The following PLA2G15 variants were observed in gnomAD, a reference collection of about 807,000 sequenced individuals.
The protein encoded by PLA2G15 is lysosomal phospholipase A and acyltransferase.
PLA2G15 carries 20 observed loss-of-function variants against 40.9 expected under a neutral mutation model. That is an observed-to-expected ratio of 0.49 (90% CI 0.34 to 0.71). The LOEUF is 0.71. PLA2G15 is among the 30% of genes least tolerant of loss of function. The pLI is 0.01. For missense variants in PLA2G15, 471 were observed against 541.9 expected (o/e 0.87, Z 1.30); for synonymous variants, 223 against 228.2 (o/e 0.98, Z 0.21).
intron 1 of PLA2G15, among the ~76,000 whole-genome samples, chr16:68,246,284 C>T (rs2042308129): frequency 6.6e-6 from 1 of 152,340 alleles, no homozygotes; most frequent in Middle Eastern, 3.4e-3. Context: ...CTACAACGGC[C>T]ACTGTATTTC....
At chr16:68,245,777 G>C (rs1272711573) in intron 1 of PLA2G15, among the ~76,000 whole-genome samples, 1 of 152,212 alleles carries the variant, frequency 6.6e-6, no homozygotes, top group Non-Finnish European at 1.5e-5. Context: ...GGGTGAGTGG[G>C]AGAGTTACCA....
In PLA2G15 at chr16:68,255,274, G is replaced by A; in HGVS notation, c.404-8G>A. 6.2e-7 allele frequency: 1 copy of A among 1,600,092 alleles called. No homozygotes were observed. The highest frequency in any genetic ancestry group is 1.1e-5 in the South Asian group (1 of 90,760). On this transcript the variant is annotated splice_polypyrimidine_tract_variant and splice_region_variant and intron_variant, in intron 3 of 5. Coordinates refer to ENST00000219345, the MANE Select transcript of PLA2G15 (RefSeq NM_012320.4). The surrounding 1 kb of genome is among the most constrained non-coding windows in gnomAD (Gnocchi z 5.9). ...ATCTTTTCTTATCCTCTGTATTTCT[G>A]TCTACAGGTTCCTATTTCCACACCA...
At chr16:68,245,688 C>T (rs1003306187) in intron 1 of PLA2G15, 135 bp downstream of exon 1, 13 of 1,042,338 alleles carry the variant, frequency 1.2e-5, no homozygotes, top group African/African-American at 1.6e-5. Flanking sequence ...CTTAGGTGAT[C>T]TAGATCTGCC....
At chr16:68,254,351 A>ATTTATTTT (rs1474973014) in intron 2 of PLA2G15, 13 of 139,472 alleles carry the variant, frequency 9.3e-5, no homozygotes, top group East Asian at 6.0e-4. Context: ...TTATTTATTT[A>ATTTATTTT]TTTTTTTGAG....
chr16:68,256,222 G>A (rs1004868279), intron 5 of PLA2G15: 21 of 491,770 alleles, frequency 4.3e-5, no homozygotes, highest in Admixed American at 3.8e-5. Flanking sequence ...TGTCTCAGGT[G>A]GGGGCAAGAC....
rs763403560 is a variant in PLA2G15, at chr16:68,255,404, C to T, written c.502+24C>T. The T allele has an allele frequency of 1.6e-5, 25 of 1,541,438 alleles. No individual in the cohort carries two copies. In the Middle Eastern group the frequency reaches 5.2e-4, roughly 32 times the overall value. ...AAGTAAGCAGGCACTCTCATTCCCT[C>T]CCTGACGTCTCGGGAGGTAGGGGTG... On this transcript the variant is annotated intron_variant, in intron 4 of 5. Coordinates refer to ENST00000219345, the MANE Select transcript of PLA2G15 (RefSeq NM_012320.4). This position sits in a 1 kb window ranked among gnomAD's most constrained non-coding sequence, Gnocchi z 5.9.
rs1158288802 is a variant in PLA2G15 at position 68,259,508 on chromosome 16, A to G, written c.1090A>G (p.Asn364Asp). 1.2e-6 allele frequency: 2 copies of G among 1,613,242 alleles called. No individual in the cohort carries two copies. The highest frequency in any genetic ancestry group is 1.7e-6 in the Non-Finnish European group (2 of 1,180,020). ...ICFGDGDGTV[N>D]LKSALQCQAW... ...CTTTGGTGACGGCGATGGTACTGTG[A>G]ACTTGAAGAGTGCCCTGCAGTGCCA... The change falls in exon 6 of 6, where the codon AAC (asparagine) becomes GAC (aspartate). Residue 364 changes from asparagine to aspartate, a missense_variant. Physicochemically the swap from Asn to Asp is conservative, Grantham distance 23. Coordinates refer to ENST00000219345, the MANE Select transcript of PLA2G15 (RefSeq NM_012320.4). The surrounding 1 kb of genome is among the most constrained non-coding windows in gnomAD (Gnocchi z 6.5).
Position 68,255,189 on chromosome 16 carries a change from G to A in PLA2G15, c.404-93G>A. ...CAGAGCCCTGTAGCATTCTTCCAAG[G>A]ACCTGCTAGCTGTCACAGTCTCCAT... On this transcript the variant is annotated intron_variant, in intron 3 of 5. Transcript: ENST00000219345. The surrounding 1 kb of genome is among the most constrained non-coding windows in gnomAD (Gnocchi z 5.9). The A allele has an allele frequency of 3.8e-6, 4 of 1,050,420 alleles. No individual in the cohort carries two copies. The highest frequency in any genetic ancestry group is 5.9e-6 in the Non-Finnish European group (4 of 676,834). 65.1% of individuals were successfully genotyped at this position (1,050,420 alleles called of 1,614,324 possible).
At position 68,260,468 on chromosome 16, in the gene PLA2G15, G is replaced by T. The variant is rs1412970012; in HGVS notation, c.*811G>T. On this transcript the variant is annotated 3_prime_UTR_variant, in exon 6 of 6. Coordinates refer to ENST00000219345, the MANE Select transcript of PLA2G15 (RefSeq NM_012320.4). ...TGTGGTTCCAAGGATGAGAGCAGGG[G>T]TTGGAGCCATGGCCTTCTGGGAACC... The T allele has an allele frequency of 1.3e-5, 2 of 152,600 alleles. No homozygotes were observed. Among genetic ancestry groups the T allele is most frequent in the African/African-American group, 4.8e-5 (2 of 41,442 alleles). 9.5% of individuals were successfully genotyped at this position (152,600 alleles called of 1,614,324 possible). A position where few individuals can be genotyped will look rare whatever the true frequency, so the allele number is the denominator to read the frequency against.
At chr16:68,257,197 G>A (rs1175476875) in intron 5 of PLA2G15, among the ~76,000 whole-genome samples, 1 of 151,734 alleles carries the variant, frequency 6.6e-6, no homozygotes, top group Non-Finnish European at 1.5e-5. Context: ...AGATTTTTTT[G>A]TATTTTTAGT....
intron 1 of PLA2G15, 51 bp downstream of exon 1, chr16:68,245,604 G>A (rs1429389861): frequency 6.5e-7 from 1 of 1,536,430 alleles, no homozygotes; most frequent in East Asian, 2.4e-5. Flanking sequence ...GACGGGCCGC[G>A]GGCGGGGCTG....
At chr16:68,257,219 T>G (rs1229364768) in intron 5 of PLA2G15, among the ~76,000 whole-genome samples, 1 of 152,030 alleles carries the variant, frequency 6.6e-6, no homozygotes, top group Admixed American at 6.5e-5. Flanking sequence ...GAGATGGGGT[T>G]TCACCATTTT....
Position 68,259,655 on chromosome 16 carries a change from T to C in PLA2G15, c.1237T>C (p.Ter413ArgextTer78), listed in dbSNP as rs762039866. The C allele has an allele frequency of 1.2e-6, 2 of 1,609,470 alleles. No individual in the cohort carries two copies. The highest frequency in any genetic ancestry group is 2.2e-5 in the East Asian group (1 of 44,786). ...TCTGAAACGTGTGCTCCTTGGGCCC[T>C]GACTCCTGTGCCACAGGACTCCTGT... ...AYLKRVLLGP[*>R] Residue 413 changes from the stop codon to arginine, a stop_lost, in exon 6 of 6, where the codon TGA (stop) becomes CGA (arginine). Transcript: ENST00000219345. The surrounding 1 kb of genome is among the most constrained non-coding windows in gnomAD (Gnocchi z 6.5).
In PLA2G15 at chr16:68,259,460, C is replaced by T. The variant is rs1411903659; in HGVS notation, c.1042C>T (p.Pro348Ser). 2 of 1,613,602 alleles carry T rather than the reference C, an allele frequency of 1.2e-6. No homozygotes were observed. The highest frequency in any genetic ancestry group is 1.7e-6 in the Non-Finnish European group (2 of 1,180,028). The change falls in exon 6 of 6, where the codon CCT (proline) becomes TCT (serine). Residue 348 changes from proline (P) to serine (S), a missense_variant. Physicochemically the swap from Pro to Ser is moderately conservative, Grantham distance 74. Coordinates refer to ENST00000219345, the MANE Select transcript of PLA2G15 (RefSeq NM_012320.4). This position sits in a 1 kb window ranked among gnomAD's most constrained non-coding sequence, Gnocchi z 6.5. The part of the protein sequence containing the change: ...TPDSFYYESF[P>S]DRDPKICFGD... ...AGACTCCTTCTACTATGAGAGCTTC[C>T]CTGACCGTGACCCTAAAATCTGCTT...
intron 1 of PLA2G15, among the ~76,000 whole-genome samples, chr16:68,246,126 C>T (rs978311215): frequency 8.5e-5 from 13 of 152,220 alleles, no homozygotes; most frequent in African/African-American, 3.1e-4. Flanking sequence ...CAACTGAAGT[C>T]AGGGGAAAGG....
chr16:68,253,613 G>A (rs1027534116), intron 2 of PLA2G15: 2 of 288,336 alleles, frequency 6.9e-6, no homozygotes, highest in African/African-American at 2.3e-5. Flanking sequence ...AACCTCAAGT[G>A]ATCCACGTGC....
Position 68,255,116 on chromosome 16 carries a change from G to C in PLA2G15, c.403+79G>C, listed in dbSNP as rs943800751. On this transcript the variant is annotated intron_variant, in intron 3 of 5. Transcript: ENST00000219345. This position sits in a 1 kb window ranked among gnomAD's most constrained non-coding sequence, Gnocchi z 5.9. Reference sequence around the variant, plus strand: ...CTGGAGCTGGAGCTGGAGGAACTCTGCTGGTTTGTAGGGACAGCCTGTGAG... The same window carrying C: ...CTGGAGCTGGAGCTGGAGGAACTCTCCTGGTTTGTAGGGACAGCCTGTGAG... 8.0e-6 allele frequency: 9 copies of C among 1,119,276 alleles called. No individual in the cohort carries two copies. The highest frequency in any genetic ancestry group is 2.4e-5 in the East Asian group (1 of 42,522). The allele number at this position is 1,119,276 out of a possible 1,614,324, so 69.3% of individuals were successfully genotyped here.
At chr16:68,247,936 C>T (rs920636174) in intron 1 of PLA2G15, among the ~76,000 whole-genome samples, 11 of 152,298 alleles carry the variant, frequency 7.2e-5, no homozygotes, top group Admixed American at 1.3e-4. Flanking sequence ...AGGGCTTTGA[C>T]GCAGTGGGGA....
At chr16:68,256,085 G>A (rs986648674) in intron 5 of PLA2G15, 95 bp downstream of exon 5, 1 of 768,860 alleles carries the variant, frequency 1.3e-6, no homozygotes, top group Admixed American at 2.7e-5. Context: ...CATGCCTCGT[G>A]TCTGTCCCAC....
Sources: allele counts gnomAD v4.1 joint callset (sites outside exome capture counted in the v4.1 genomes callset), GRCh38; gene constraint gnomAD v4.1.1; non-coding constraint Gnocchi (gnomAD v3.1); transcripts MANE v1.5; gene names NCBI Gene and HGNC (gene_info 2026-07-23, HGNC 2026-07-21).